The following SYBU variants were observed in gnomAD, a reference collection of about 807,000 sequenced individuals.
The protein encoded by SYBU is GOLSYN A protein.
SYBU carries 21 observed loss-of-function variants against 35.9 expected under a neutral mutation model. The observed-to-expected ratio is 0.58, with a 90% CI of 0.41 to 0.84. The LOEUF (loss-of-function observed/expected upper bound fraction) is 0.84, where lower values mean the gene tolerates loss of function less well. SYBU is among the 40% of genes least tolerant of loss of function. The pLI, the probability that SYBU is intolerant of heterozygous loss-of-function variation, is 0.00. For synonymous variants in SYBU, 319 were observed against 324.3 expected (o/e 0.98, Z 0.18); for missense variants, 768 against 848.2 (o/e 0.91, Z 1.17).
At chr8:109,595,327 TC>T (rs1435697430) in intron 3 of SYBU, among the ~76,000 whole-genome samples, 1 of 152,222 alleles carries the variant, frequency 6.6e-6, no homozygotes. Flanking sequence ...GAGTAAATCC[TC>T]CTTAGCTGTA....
At position 109,579,848 on chromosome 8, in the gene SYBU, T is replaced by G; in HGVS notation, c.685A>C (p.Ser229Arg). The G allele has an allele frequency of 6.2e-7, 1 of 1,608,520 alleles. No individual in the cohort carries two copies. The highest frequency in any genetic ancestry group is 8.5e-7 in the Non-Finnish European group (1 of 1,176,894). ...CCTTTGTAGGAGCCTGAGTTGCTAC[T>G]GCTTGGGGAAGAAGGTGCATAACTG... ...HPSYAPSSPS[S>R]SNSGSYKGSD... Residue 229 changes from serine to arginine, a missense_variant, in exon 5 of 7, where the codon AGT (serine) becomes CGT (arginine). By Grantham distance (110) the Ser-to-Arg change is moderately radical. Transcript: ENST00000276646.
intron 1 of SYBU, among the ~76,000 whole-genome samples, chr8:109,669,259 G>A (rs184791816): frequency 2.0e-5 from 3 of 148,458 alleles, no homozygotes; most frequent in Admixed American, 6.8e-5. Context: ...GGAGAATGGC[G>A]TGAGCCCAGG....
At position 109,575,009 on chromosome 8, in the gene SYBU, C is replaced by T; in HGVS notation, c.1889G>A (p.Arg630Lys). ...PTVLWAFSTQ[R>K]GGTDPVYNIG... ...GTTATACACAGGATCCGTTCCCCCT[C>T]TCTGAGTACTGAATGCCCACAGAAC... The change falls in exon 7 of 7, where the codon AGA becomes AAA. Residue 630 changes from arginine (R) to lysine (K), a missense_variant. By Grantham distance (26) the Arg-to-Lys change is conservative. Transcript: ENST00000276646. 2.5e-6 allele frequency: 4 copies of T among 1,593,518 alleles called. No individual in the cohort carries two copies. Among genetic ancestry groups the T allele is most frequent in the Non-Finnish European group, 2.6e-6 (3 of 1,168,612 alleles).
chr8:109,580,482 A>G (rs1001235077), intron 4 of SYBU: 2 of 161,546 alleles, frequency 1.2e-5, no homozygotes, highest in Non-Finnish European at 2.7e-5. Flanking sequence ...GGAGGAGGAG[A>G]AAACAGGGCA....
In SYBU at chr8:109,613,433, A is replaced by G. The variant is rs182906592; in HGVS notation, c.427+5409T>C. 6.7e-4 allele frequency among the ~76,000 whole-genome samples: 102 copies of G among 152,338 alleles called. 1 individual carries two copies. The highest frequency in any genetic ancestry group is 6.7e-3 in the Admixed American group (102 of 15,310). ...AGATGCAGAACACAGAGTCTCAAGAAGACAACAAGTAGCTAGAGATCACAC... is the reference window on the plus strand; with the variant it reads ...AGATGCAGAACACAGAGTCTCAAGAGGACAACAAGTAGCTAGAGATCACAC... On this transcript the variant is annotated intron_variant, in intron 3 of 6. Coordinates refer to ENST00000276646, the MANE Select transcript of SYBU (RefSeq NM_001099754.2).
In SYBU at chr8:109,592,482, C is replaced by T. The variant is rs139677666; in HGVS notation, c.428-6320G>A. Among the ~76,000 whole-genome samples, 30 of 152,238 alleles carry T rather than the reference C, an allele frequency of 2.0e-4. No individual in the cohort carries two copies. The East Asian group carries it at 5.4e-3, about 28-fold the overall frequency. On this transcript the variant is annotated intron_variant, in intron 3 of 6. Coordinates refer to ENST00000276646, the MANE Select transcript of SYBU (RefSeq NM_001099754.2). Reference sequence around the variant, plus strand: ...ACTGCAGCTCTCATCTTTGCAGGGCCCAGTCTCCTGAGCTAGGTAGCTTGG... The same window carrying T: ...ACTGCAGCTCTCATCTTTGCAGGGCTCAGTCTCCTGAGCTAGGTAGCTTGG...
At chr8:109,656,206 A>C (rs940664559) in intron 1 of SYBU, among the ~76,000 whole-genome samples, 3 of 152,238 alleles carry the variant, frequency 2.0e-5, no homozygotes, top group Non-Finnish European at 2.9e-5. Context: ...AAAACTTCAT[A>C]CTGCAAACCT....
chr8:109,670,465 T>G (rs1371704341), intron 1 of SYBU, among the ~76,000 whole-genome samples: 1 of 151,892 alleles, frequency 6.6e-6, no homozygotes, highest in African/African-American at 2.4e-5. Context: ...TTTTTAATAC[T>G]ATTACCTTAT....
intron 1 of SYBU, among the ~76,000 whole-genome samples, chr8:109,664,012 A>T (rs1291407708): frequency 6.6e-6 from 1 of 152,216 alleles, no homozygotes; most frequent in African/African-American, 2.4e-5. Context: ...AGCTAAATAA[A>T]CAGGTAATGA....
chr8:109,683,742 G>A (rs1387970259), upstream of SYBU, among the ~76,000 whole-genome samples: 1 of 152,150 alleles, frequency 6.6e-6, no homozygotes, highest in African/African-American at 2.4e-5. Context: ...AACTTAAATT[G>A]TAGTTCCCAT....
chr8:109,680,341 C>T (rs1396839567), intron 1 of SYBU: 1 of 150,260 alleles, frequency 6.7e-6, no homozygotes, highest in East Asian at 2.0e-4. Flanking sequence ...CTCTCCTGGT[C>T]AATCGGATCA....
rs1383318742 is a variant in SYBU, at chr8:109,584,880, G to A, written c.530+1180C>T. Among the ~76,000 whole-genome samples the A allele has an allele frequency of 2.0e-5, 3 of 152,070 alleles. No individual in the cohort carries two copies. Among genetic ancestry groups the A allele is most frequent in the African/African-American group, 7.2e-5 (3 of 41,392 alleles). Reference sequence around the variant, plus strand: ...ACAGTACAACTGTCTTTTGGATACCGTGGCCCAGGGGAATCAAGTGACGTG... The same window carrying A: ...ACAGTACAACTGTCTTTTGGATACCATGGCCCAGGGGAATCAAGTGACGTG... On this transcript the variant is annotated intron_variant, in intron 4 of 6. Transcript: ENST00000276646. The surrounding 1 kb of genome is among the most constrained non-coding windows in gnomAD (Gnocchi z 4.0).
chr8:109,668,079 G>A (rs1816821224), intron 1 of SYBU, among the ~76,000 whole-genome samples: 1 of 143,260 alleles, frequency 7.0e-6, no homozygotes, highest in African/African-American at 2.6e-5. Flanking sequence ...TTTAAATTAA[G>A]CAAACACAAG....
chr8:109,679,551 A>G (rs574465402), intron 1 of SYBU, among the ~76,000 whole-genome samples: 5 of 152,328 alleles, frequency 3.3e-5, no homozygotes, highest in Admixed American at 1.3e-4. Flanking sequence ...TCCGCACAAT[A>G]ATGGCACTAT....
rs1821995115 is a variant in SYBU, at chr8:109,574,567, G to A, written c.*339C>T. 9.0e-6 allele frequency: 2 copies of A among 222,902 alleles called. No individual in the cohort carries two copies. Among genetic ancestry groups the A allele is most frequent in the South Asian group, 3.5e-4 (2 of 5,702 alleles). 13.8% of individuals were successfully genotyped at this position (222,902 alleles called of 1,614,324 possible). A position where few individuals can be genotyped will look rare whatever the true frequency, so the allele number is the denominator to read the frequency against. On this transcript the variant is annotated 3_prime_UTR_variant, in exon 7 of 7. Transcript: ENST00000276646. ...AAAACGGCAAAAAGCAAAGCAAGGA[G>A]ATAACATGCCAGCCTTAGAGAAGCT...
chr8:109,588,148 T>A (rs1343030335), intron 3 of SYBU, among the ~76,000 whole-genome samples: 1 of 152,234 alleles, frequency 6.6e-6, no homozygotes, highest in Admixed American at 6.5e-5. Context: ...TATTTTCTAA[T>A]GTGAAATTAT....
At chr8:109,690,584 G>T (rs3108855) in intron 1 of SYBU, among the ~76,000 whole-genome samples, 1 of 152,082 alleles carries the variant, frequency 6.6e-6, no homozygotes, top group Non-Finnish European at 1.5e-5. Context: ...GCTGGACACT[G>T]GGGAAGATAA....
intron 1 of SYBU, among the ~76,000 whole-genome samples, chr8:109,668,067 C>T (rs937846083): frequency 6.8e-6 from 1 of 147,672 alleles, no homozygotes; most frequent in Non-Finnish European, 1.5e-5. Context: ...GTCATATTTT[C>T]CTTTAAATTA....
chr8:109,648,670 C>T (rs1586950987), upstream of SYBU: 1 of 152,158 alleles, frequency 6.6e-6, no homozygotes, highest in Admixed American at 6.6e-5. Flanking sequence ...CTCACATTCA[C>T]TCTTCCTCAC....
Sources: gnomAD v4.1 joint callset for allele counts (sites outside exome capture counted in the v4.1 genomes callset) on GRCh38, gnomAD v4.1.1 for gene constraint, Gnocchi (gnomAD v3.1) non-coding constraint, MANE v1.5 for transcripts, NCBI Gene and HGNC (gene_info 2026-07-23, HGNC 2026-07-21) for gene names.